PTPRE: variants seen among roughly 807,000 people sequenced by gnomAD.
PTPRE encodes the protein protein tyrosine phosphatase receptor type E, also known as receptor-type tyrosine-protein phosphatase epsilon.
In PTPRE, 51 loss-of-function variants were observed where a neutral mutation model predicts 102.0. The ratio of observed to expected loss-of-function variants is 0.50; its 90% CI spans 0.40 to 0.63. The LOEUF is 0.63. Among genes scored for constraint, PTPRE ranks in the 30% least tolerant of loss-of-function variants. PTPRE has a pLI of 0.00. For missense variants in PTPRE, 752 were observed against 915.1 expected (o/e 0.82, Z 2.30); for synonymous variants, 345 against 348.2 (o/e 0.99, Z 0.10).
At chr10:127,988,728 T>C (rs1356144781) in intron 2 of PTPRE, among the ~76,000 whole-genome samples, 1 of 152,242 alleles carries the variant, frequency 6.6e-6, no homozygotes, top group African/African-American at 2.4e-5. Context: ...TATTGGGTAC[T>C]ATGTTCACTA....
intron 18 of PTPRE, 92 bp from the exon 19 acceptor site, chr10:128,077,525 C>A: frequency 1.3e-6 from 2 of 1,482,362 alleles, no homozygotes; most frequent in Non-Finnish European, 1.8e-6. Context: ...AGGGAGGGCT[C>A]CCAGCCTTGG....
Position 128,047,747 on chromosome 10 carries a change from C to T in PTPRE, c.210-17C>T, listed in dbSNP as rs772146033. On this transcript the variant is annotated splice_polypyrimidine_tract_variant and intron_variant, in intron 4 of 20. Coordinates refer to ENST00000254667, the MANE Select transcript of PTPRE (RefSeq NM_006504.6). ...AACCTAGAAGTGTGGAAACCTAACGCATCCTGTGTCTCTAAGGTTCAGGAA... is the reference window on the plus strand; with the variant it reads ...AACCTAGAAGTGTGGAAACCTAACGTATCCTGTGTCTCTAAGGTTCAGGAA... 3 of 1,612,096 alleles carry T rather than the reference C, an allele frequency of 1.9e-6. No homozygotes were observed. The South Asian group carries it at 3.3e-5, about 18-fold the overall frequency.
At chr10:127,916,046 G>A (rs996232465) in intron 1 of PTPRE, among the ~76,000 whole-genome samples, 1 of 151,746 alleles carries the variant, frequency 6.6e-6, no homozygotes, top group South Asian at 2.1e-4. Context: ...GGATGCTCCA[G>A]GTCCACAGGA....
At chr10:127,953,716 T>C (rs1156951360) in intron 1 of PTPRE, among the ~76,000 whole-genome samples, 1 of 152,118 alleles carries the variant, frequency 6.6e-6, no homozygotes, top group Non-Finnish European at 1.5e-5. Flanking sequence ...GCTTTATAGG[T>C]GGTTCTGCAT....
At chr10:128,021,034 A>G (rs377335250) in intron 2 of PTPRE, among the ~76,000 whole-genome samples, 3 of 151,882 alleles carry the variant, frequency 2.0e-5, no homozygotes, top group African/African-American at 7.3e-5. Flanking sequence ...AGCTGGGACT[A>G]CAGGTGCCCG....
Position 128,055,875 on chromosome 10 carries a change from A to T in PTPRE, c.421-248A>T, listed in dbSNP as rs1848920874. On this transcript the variant is annotated intron_variant, in intron 6 of 20. Transcript: ENST00000254667. The stretch of plus-strand genomic sequence containing the variant: ...CTTCATGCAGCATAGGATCTGGCTG[A>T]TGAGACCATCACTTTGGCCACACCA... 3.3e-5 allele frequency among the ~76,000 whole-genome samples: 5 copies of T among 152,232 alleles called. 1 individual carries two copies. The highest frequency in any genetic ancestry group is 3.3e-4 in the Admixed American group (5 of 15,286).
intron 1 of PTPRE, among the ~76,000 whole-genome samples, chr10:127,931,940 G>A (rs1847475401): frequency 6.6e-6 from 1 of 152,122 alleles, no homozygotes; most frequent in African/African-American, 2.4e-5. Context: ...ATTTTTAAAA[G>A]ACTTTTGTGG....
chr10:127,963,863 A>G (rs1017778256), intron 1 of PTPRE, among the ~76,000 whole-genome samples: 10 of 152,316 alleles, frequency 6.6e-5, no homozygotes, highest in Non-Finnish European at 1.5e-5. Flanking sequence ...GGGAGTCCGC[A>G]GTGGGCCAAG....
chr10:128,046,508 G>A (rs1848103235), intron 3 of PTPRE, among the ~76,000 whole-genome samples: 1 of 152,234 alleles, frequency 6.6e-6, no homozygotes, highest in African/African-American at 2.4e-5. Flanking sequence ...TTTGCGCTTT[G>A]AGGCATCCAG....
At chr10:128,004,692 A>T (rs1854335894) in intron 2 of PTPRE, among the ~76,000 whole-genome samples, 1 of 152,218 alleles carries the variant, frequency 6.6e-6, no homozygotes, top group Admixed American at 6.5e-5. Context: ...ATGATGAATT[A>T]TGTGCTATTA....
chr10:127,910,560 T>C (rs1444258218), intron 1 of PTPRE, among the ~76,000 whole-genome samples: 1 of 152,190 alleles, frequency 6.6e-6, no homozygotes, highest in Non-Finnish European at 1.5e-5. Flanking sequence ...AGCATGTACT[T>C]TGGGTTCAGT....
intron 1 of PTPRE, among the ~76,000 whole-genome samples, chr10:127,969,695 G>C (rs1035468338): frequency 1.5e-5 from 2 of 137,472 alleles, no homozygotes; most frequent in Admixed American, 1.6e-4. Flanking sequence ...GGGGCGGGGG[G>C]ATGATGCAGA....
intron 1 of PTPRE, among the ~76,000 whole-genome samples, chr10:127,961,872 C>A (rs997894061): frequency 2.0e-5 from 3 of 152,068 alleles, no homozygotes; most frequent in African/African-American, 7.2e-5. Context: ...CTGGGGTACT[C>A]CCCAGGTGCC....
In PTPRE at chr10:128,083,033, A is replaced by G. The variant is rs537969376; in HGVS notation, c.*127A>G. On this transcript the variant is annotated 3_prime_UTR_variant, in exon 21 of 21. Coordinates refer to ENST00000254667, the MANE Select transcript of PTPRE (RefSeq NM_006504.6). ...TTTGTATATATTTTGTTATGCCTTA[A>G]AGGCCACCTGCTATACAGTTGTTAA... The G allele has an allele frequency of 2.2e-6, 2 of 893,816 alleles. No individual in the cohort carries two copies. Among genetic ancestry groups the G allele is most frequent in the Admixed American group, 4.1e-5 (1 of 24,662 alleles). The allele number at this position is 893,816 out of a possible 1,614,324, so 55.4% of individuals were successfully genotyped here.
intron 3 of PTPRE, among the ~76,000 whole-genome samples, chr10:128,042,333 G>T (rs1311186688): frequency 2.6e-5 from 4 of 152,150 alleles, no homozygotes; most frequent in Non-Finnish European, 4.4e-5. Context: ...GTGGGCACCG[G>T]CAGGATGACG....
Position 128,077,761 on chromosome 10 carries a change from C to A in PTPRE, c.1870C>A (p.His624Asn). The stretch of plus-strand genomic sequence containing the variant: ...GAAGCAGCAGCAGCAGACAGGCAAC[C>A]ACCCCATCACCGTGCACTGCAGGTG... The part of the protein sequence containing the change: ...VQKQQQQTGN[H>N]PITVHCSAGA... The change falls in exon 19 of 21, where the codon CAC (histidine) becomes AAC (asparagine). Residue 624 changes from histidine to asparagine, a missense_variant. By Grantham distance (68) the His-to-Asn change is moderately conservative. This residue lies in a region of PTPRE where 636 missense variants were observed against 824.4 expected (regional missense o/e 0.77). Coordinates refer to ENST00000254667, the MANE Select transcript of PTPRE (RefSeq NM_006504.6). 1 of 1,604,088 alleles carries A rather than the reference C, an allele frequency of 6.2e-7. No individual in the cohort carries two copies. The highest frequency in any genetic ancestry group is 1.1e-5 in the South Asian group (1 of 90,764).
At chr10:127,943,468 C>G (rs1035863687) in intron 1 of PTPRE, among the ~76,000 whole-genome samples, 2 of 152,130 alleles carry the variant, frequency 1.3e-5, no homozygotes, top group Non-Finnish European at 2.9e-5. Context: ...ACTTTCCCGT[C>G]GTCTTCTCCC....
At chr10:128,067,229 C>G (rs1307476068) in intron 11 of PTPRE, among the ~76,000 whole-genome samples, 3 of 150,992 alleles carry the variant, frequency 2.0e-5, no homozygotes, top group South Asian at 2.1e-4. Context: ...CATGCACACA[C>G]ATGCACACAC....
intron 20 of PTPRE, among the ~76,000 whole-genome samples, chr10:128,082,195 C>CTTT (rs35709074): frequency 0.032 from 2,789 of 88,514 alleles, 315 homozygotes; most frequent in African/African-American, 0.069. Context: ...TTTTCTCTTT[C>CTTT]TTTTTTTTTT....
Sources: gnomAD v4.1 joint callset for allele counts (sites outside exome capture counted in the v4.1 genomes callset) on GRCh38, gnomAD v4.1.1 for gene constraint, gnomAD v4.1.1 regional missense constraint, MANE v1.5 for transcripts, NCBI Gene and HGNC (gene_info 2026-07-23, HGNC 2026-07-21) for gene names.